The following BICD1 variants were observed in gnomAD, a reference collection of about 807,000 sequenced individuals.
BICD1 encodes the protein protein bicaudal D homolog 1.
In BICD1, 35 loss-of-function variants were observed where a neutral mutation model predicts 92.5. That is an observed-to-expected ratio of 0.38 (90% CI 0.29 to 0.50). The LOEUF is 0.50. BICD1 is among the 20% of genes least tolerant of loss of function. The pLI, the probability that BICD1 is intolerant of heterozygous loss-of-function variation, is 0.93. For synonymous variants in BICD1, 429 were observed against 465.1 expected (o/e 0.92, Z 1.00); for missense variants, 950 against 1,189.8 (o/e 0.80, Z 2.97).
intron 8 of BICD1, among the ~76,000 whole-genome samples, chr12:32,344,218 C>T (rs1938485263): frequency 6.6e-6 from 1 of 152,088 alleles, no homozygotes; most frequent in Non-Finnish European, 1.5e-5. Flanking sequence ...GTGACTATAT[C>T]GTAATAGGCA....
At chr12:32,376,526 A>G (rs1187847568) in intron 9 of BICD1, among the ~76,000 whole-genome samples, 1 of 152,028 alleles carries the variant, frequency 6.6e-6, no homozygotes, top group African/African-American at 2.4e-5. Flanking sequence ...TTTAAACTAG[A>G]GGCTATCACA....
intron 1 of BICD1, among the ~76,000 whole-genome samples, chr12:32,186,035 C>G (rs1270139717): frequency 6.6e-6 from 1 of 152,216 alleles, no homozygotes; most frequent in Non-Finnish European, 1.5e-5. Flanking sequence ...ACTCCTTGAG[C>G]CTGTCTCTCC....
chr12:32,291,628 AC>A (rs1180217393), intron 2 of BICD1, among the ~76,000 whole-genome samples: 2 of 152,074 alleles, frequency 1.3e-5, no homozygotes, highest in Non-Finnish European at 2.9e-5. Flanking sequence ...GATTGCCTTC[AC>A]GAGTTTGAGA....
chr12:32,144,187 T>C (rs1022131092), intron 1 of BICD1, among the ~76,000 whole-genome samples: 1 of 152,212 alleles, frequency 6.6e-6, no homozygotes, highest in African/African-American at 2.4e-5. Context: ...TTTTTCCCTA[T>C]GTAGGGAAGA....
rs35294412 is a variant in BICD1 at position 32,257,211 on chromosome 12, C to CAAAAA, written c.427-36763_427-36759dup. Among the ~76,000 whole-genome samples the CAAAAA allele has an allele frequency of 6.2e-3, 488 of 78,244 alleles. 23 individuals are homozygous for CAAAAA. Among genetic ancestry groups the CAAAAA allele is most frequent in the African/African-American group, 0.023 (425 of 18,770 alleles). 51.3% of individuals were successfully genotyped at this position (78,244 alleles called of 152,430 possible). On this transcript the variant is annotated intron_variant, in intron 2 of 9. Transcript: ENST00000652176. ...CTGGTGACAGAGGGAGACTCTGTCT[C>CAAAAA]AAAAAAAAAAAAAAAAAAAAAAAAT... is the stretch of plus-strand genomic sequence containing the variant.
chr12:32,250,817 C>CA (rs909594276), intron 2 of BICD1, among the ~76,000 whole-genome samples: 7 of 151,434 alleles, frequency 4.6e-5, no homozygotes, highest in Non-Finnish European at 8.8e-5. Flanking sequence ...CCTGTCTCTA[C>CA]AAAAAAAATA....
chr12:32,170,654 A>T (rs1003075754), intron 1 of BICD1, among the ~76,000 whole-genome samples: 1 of 152,208 alleles, frequency 6.6e-6, no homozygotes, highest in African/African-American at 2.4e-5. Context: ...TATGTGACCA[A>T]AATTTGGCAA....
chr12:32,335,624 A>T (rs1055922951), intron 6 of BICD1, among the ~76,000 whole-genome samples: 1 of 139,338 alleles, frequency 7.2e-6, no homozygotes, highest in African/African-American at 2.7e-5. Context: ...TCTGTCACCC[A>T]GGCTGAAGTG....
At chr12:32,195,106 A>AAAAAAC (rs1325891171) in intron 1 of BICD1, among the ~76,000 whole-genome samples, 1 of 151,664 alleles carries the variant, frequency 6.6e-6, no homozygotes, top group Non-Finnish European at 1.5e-5. Context: ...AAAAAAAAAA[A>AAAAAAC]AAATTGAAGA....
At chr12:32,166,328 G>A (rs1474718021) in intron 1 of BICD1, among the ~76,000 whole-genome samples, 1 of 151,498 alleles carries the variant, frequency 6.6e-6, no homozygotes, top group Non-Finnish European at 1.5e-5. Context: ...TAAAGACGGG[G>A]TTTCACCACG....
chr12:32,108,358 T>C (rs1941569181), intron 1 of BICD1: 1 of 255,702 alleles, frequency 3.9e-6, no homozygotes. Context: ...TTTTTGGTAT[T>C]TGGCCTCTTT....
chr12:32,246,790 A>G (rs1434430883), intron 2 of BICD1, among the ~76,000 whole-genome samples: 1 of 152,156 alleles, frequency 6.6e-6, no homozygotes, highest in African/African-American at 2.4e-5. Context: ...GATACAGCAA[A>G]AAACAAGACA....
intron 2 of BICD1, among the ~76,000 whole-genome samples, chr12:32,245,469 A>G (rs779757279): frequency 6.6e-6 from 1 of 152,174 alleles, no homozygotes; most frequent in African/African-American, 2.4e-5. Context: ...TGATTTTCCT[A>G]AAGCAAACAG....
rs58895470 is a variant in BICD1 at position 32,225,621 on chromosome 12, G to GTTTTTTTTTTTTTTTT, written c.426+9167_426+9182dup. ...TGGTATTTGACAGTTCTTTTTTTCT[G>GTTTTTTTTTTTTTTTT]TTTTTTTTTTTTTTTTTTTTAGACG... On this transcript the variant is annotated intron_variant, in intron 2 of 9. Coordinates refer to ENST00000652176, the MANE Select transcript of BICD1 (RefSeq NM_001714.4). Among the ~76,000 whole-genome samples, 96 of 92,760 alleles carry GTTTTTTTTTTTTTTTT rather than the reference G, an allele frequency of 1.0e-3. 7 individuals are homozygous for GTTTTTTTTTTTTTTTT. The highest frequency in any genetic ancestry group is 6.0e-3 in the Middle Eastern group (1 of 166). 60.9% of individuals were successfully genotyped at this position (92,760 alleles called of 152,430 possible).
intron 2 of BICD1, among the ~76,000 whole-genome samples, chr12:32,253,490 C>CT (rs551129231): frequency 9.0e-4 from 132 of 146,306 alleles, no homozygotes; most frequent in Middle Eastern, 3.6e-3. Flanking sequence ...GCCGTGGATT[C>CT]TTTTTTTTTT....
intron 2 of BICD1, among the ~76,000 whole-genome samples, chr12:32,233,003 C>T (rs1945938588): frequency 6.6e-6 from 1 of 152,006 alleles, no homozygotes; most frequent in Admixed American, 6.6e-5. Flanking sequence ...AGAGCATTGC[C>T]CAGGACATAA....
intron 9 of BICD1, among the ~76,000 whole-genome samples, chr12:32,374,734 A>ATT (rs1179747608): frequency 1.9e-3 from 151 of 80,088 alleles, no homozygotes; most frequent in South Asian, 0.013. Context: ...CGCCCGGCTA[A>ATT]TTTTTTTTTT....
intron 2 of BICD1, among the ~76,000 whole-genome samples, chr12:32,282,199 CTTCTTTTTTTTTTTTTTTTT>C (rs1438163394): frequency 2.9e-5 from 2 of 68,994 alleles, no homozygotes; most frequent in African/African-American, 1.1e-4. Context: ...TTCAGGTCTT[CTTCTTTTTTTTTTTTTTTTT>C]TTTTTTTTTT....
chr12:32,159,240 C>T (rs1007230552), intron 1 of BICD1, among the ~76,000 whole-genome samples: 2 of 152,062 alleles, frequency 1.3e-5, no homozygotes, highest in African/African-American at 2.4e-5. Flanking sequence ...GCTCATCAAA[C>T]GTTTGATTTA....
Sources: gnomAD v4.1 joint callset for allele counts (sites outside exome capture counted in the v4.1 genomes callset) on GRCh38, gnomAD v4.1.1 for gene constraint, MANE v1.5 for transcripts, NCBI Gene and HGNC (gene_info 2026-07-23, HGNC 2026-07-21) for gene names.